CALD1: variants seen among roughly 807,000 people sequenced by gnomAD.
CALD1 encodes the protein caldesmon.
CALD1 carries 33 observed loss-of-function variants against 99.9 expected under a neutral mutation model. That is an observed-to-expected ratio of 0.33 (90% CI 0.25 to 0.44). The LOEUF (loss-of-function observed/expected upper bound fraction) is 0.44, where lower values mean the gene tolerates loss of function less well. Among genes scored for constraint, CALD1 ranks in the 20% least tolerant of loss-of-function variants. The pLI is 1.00. For missense variants in CALD1, 861 were observed against 962.1 expected, an observed-to-expected ratio of 0.89 and a Z score of 1.39; for synonymous variants, 310 against 325.0, an observed-to-expected ratio of 0.95 and a Z score of 0.50.
intron 3 of CALD1, among the ~76,000 whole-genome samples, chr7:134,877,000 C>T (rs968427500): frequency 3.9e-5 from 6 of 152,094 alleles, no homozygotes; most frequent in Non-Finnish European, 7.4e-5. Flanking sequence ...TGTTCTACTC[C>T]GCCTCTCTCA....
At chr7:134,930,022 T>G (rs1238112502) in intron 4 of CALD1, among the ~76,000 whole-genome samples, 1 of 152,126 alleles carries the variant, frequency 6.6e-6, no homozygotes, top group Non-Finnish European at 1.5e-5. Context: ...ATTTTTAAAG[T>G]GGGCATGAAT....
chr7:134,890,380 G>T (rs1309425310), intron 3 of CALD1, among the ~76,000 whole-genome samples: 1 of 152,172 alleles, frequency 6.6e-6, no homozygotes, highest in Non-Finnish European at 1.5e-5. Flanking sequence ...TCTGTGCTTT[G>T]GTGTCCTTGT....
chr7:134,841,269 C>A (rs879359855), intron 1 of CALD1, among the ~76,000 whole-genome samples: 1 of 152,114 alleles, frequency 6.6e-6, no homozygotes, highest in Non-Finnish European at 1.5e-5. Flanking sequence ...TCATATATTT[C>A]TTTTCTTCTA....
chr7:134,740,150 T>C (rs899105249), upstream of CALD1, among the ~76,000 whole-genome samples: 10 of 152,126 alleles, frequency 6.6e-5, no homozygotes, highest in Non-Finnish European at 1.5e-4. Flanking sequence ...AAATGATTAG[T>C]GGACACAATT....
At chr7:134,857,792 C>A (rs1800380488) in intron 2 of CALD1, among the ~76,000 whole-genome samples, 1 of 152,086 alleles carries the variant, frequency 6.6e-6, no homozygotes, top group Non-Finnish European at 1.5e-5. Context: ...ATACAGTAAA[C>A]ACACTTGATG....
chr7:134,784,668 G>T (rs866923089), intron 1 of CALD1, among the ~76,000 whole-genome samples: 23 of 152,160 alleles, frequency 1.5e-4, no homozygotes, highest in African/African-American at 5.3e-4. Flanking sequence ...CTCAAGTAAA[G>T]GGCCAGGATT....
chr7:134,956,991 TA>T (rs1485396536), intron 9 of CALD1, among the ~76,000 whole-genome samples: 3 of 150,962 alleles, frequency 2.0e-5, no homozygotes, highest in African/African-American at 7.4e-5. Flanking sequence ...AAAAAGTTCC[TA>T]GCTTTAAAAA....
chr7:134,924,245 G>T (rs998144411), intron 3 of CALD1, among the ~76,000 whole-genome samples: 1 of 151,974 alleles, frequency 6.6e-6, no homozygotes, highest in East Asian at 1.9e-4. Flanking sequence ...TTCAAATCTG[G>T]GTTTGCATGA....
chr7:134,960,980 G>A, intron 13 of CALD1: 1 of 163,098 alleles, frequency 6.1e-6, no homozygotes, highest in Non-Finnish European at 1.3e-5. Flanking sequence ...CATCATTTTG[G>A]CTACTTCTTT....
At position 134,947,529 on chromosome 7, in the gene CALD1, C is replaced by T. The variant is rs867708621; in HGVS notation, c.1554C>T (p.Ser518=). ...NTFSRPGGRA[S]VDTKEAEGAP... is the part of the protein sequence containing the mutation. ...ACAGCCGCCCTGGAGGGAGGGCCAG[C>T]GTGGACACCAAGGAGGCTGAGGGCG... The change falls in exon 8 of 15, where the codon AGC becomes AGT. Residue 518 remains serine, a synonymous_variant. Transcript: ENST00000361675. The T allele has an allele frequency of 1.3e-6, 2 of 1,568,602 alleles. No homozygotes were observed. Among genetic ancestry groups the T allele is most frequent in the Non-Finnish European group, 8.6e-7 (1 of 1,156,484 alleles).
chr7:134,759,250 C>T (rs1338149870), intron 1 of CALD1, among the ~76,000 whole-genome samples: 2 of 152,068 alleles, frequency 1.3e-5, no homozygotes, highest in Non-Finnish European at 2.9e-5. Context: ...CTGCAGAGTT[C>T]ATGAGAAAAA....
chr7:134,752,276 G>A (rs1046258442), intron 1 of CALD1, among the ~76,000 whole-genome samples: 1 of 152,142 alleles, frequency 6.6e-6, no homozygotes, highest in Non-Finnish European at 1.5e-5. Context: ...GAAGCTTTCG[G>A]CCTGATGCCA....
chr7:134,920,677 A>G lies in CALD1; in HGVS notation c.72-8077A>G, dbSNP rs1448582011. The G allele has an allele frequency of 2.3e-6, 3 of 1,289,348 alleles. No individual in the cohort carries two copies. In the South Asian group the frequency reaches 3.7e-5, roughly 16 times the overall value. 79.9% of individuals were successfully genotyped at this position (1,289,348 alleles called of 1,614,324 possible). On this transcript the variant is annotated intron_variant, in intron 3 of 14. Transcript: ENST00000361675. ...AGTGGACAGACAGTGGAATGCAGAA[A>G]TTTTAGAGCTGATCTTGGGGACCGG...
chr7:134,941,649 A>C lies in CALD1; in HGVS notation c.1532+412A>C, dbSNP rs142363939. Among the ~76,000 whole-genome samples, 186 of 151,096 alleles carry C rather than the reference A, an allele frequency of 1.2e-3. 1 individual carries two copies. Among genetic ancestry groups the C allele is most frequent in the Middle Eastern group, 3.5e-3 (1 of 284 alleles). On this transcript the variant is annotated intron_variant, in intron 7 of 14. Transcript: ENST00000361675. ...ACCATTTTCAAGAATGCATTTTCTA[A>C]AGGTTGTAAATAAATATTGCATAAG...
At position 134,832,039 on chromosome 7, in the gene CALD1, T is replaced by G. The variant is rs572939242; in HGVS notation, c.-129-11845T>G. Among the ~76,000 whole-genome samples, 8 of 152,336 alleles carry G rather than the reference T, an allele frequency of 5.3e-5. No homozygotes were observed. The South Asian group carries it at 1.7e-3, about 32-fold the overall frequency. ...TATAAGCCCGTCTTTTCCCCATGCG[T>G]CTTCCGTAGGGTGGGCATGCGCACA... On this transcript the variant is annotated intron_variant, in intron 1 of 14. Transcript: ENST00000361675.
chr7:134,881,247 C>T (rs751926104), intron 3 of CALD1, among the ~76,000 whole-genome samples: 4 of 152,194 alleles, frequency 2.6e-5, no homozygotes, highest in Non-Finnish European at 5.9e-5. Flanking sequence ...TCCAAGAGCA[C>T]ACAGTCAGTG....
At chr7:134,901,946 G>A (rs1295296669) in intron 3 of CALD1, among the ~76,000 whole-genome samples, 1 of 151,996 alleles carries the variant, frequency 6.6e-6, no homozygotes, top group African/African-American at 2.4e-5. Context: ...ACATCCTGAG[G>A]TACTGGGGGT....
In CALD1 at chr7:134,921,798, AAAAACAAAAC is replaced by A. The variant is rs199982116; in HGVS notation, c.72-6935_72-6926del. Among the ~76,000 whole-genome samples, 142 of 152,278 alleles carry A rather than the reference AAAAACAAAAC, an allele frequency of 9.3e-4. 3 individuals are homozygous for A. The East Asian group carries it at 0.02, about 21-fold the overall frequency. On this transcript the variant is annotated intron_variant, in intron 3 of 14. Transcript: ENST00000361675. ...TGCACTCCAGTGAGATTCTGTCTCAAAAAACAAAACAAAACAAAACAAAACAAAACTGATC... is the reference window on the plus strand; with the variant it reads ...TGCACTCCAGTGAGATTCTGTCTCAAAAAACAAAACAAAACAAAACTGATC...
intron 4 of CALD1, among the ~76,000 whole-genome samples, chr7:134,929,368 A>C (rs1194771963): frequency 6.6e-6 from 1 of 151,342 alleles, no homozygotes; most frequent in African/African-American, 2.4e-5. Context: ...ACCACGCCCA[A>C]TGCGCAGTAT....
Sources: gnomAD v4.1 joint callset for allele counts (sites outside exome capture counted in the v4.1 genomes callset) on GRCh38, gnomAD v4.1.1 for gene constraint, MANE v1.5 for transcripts, NCBI Gene and HGNC (gene_info 2026-07-23, HGNC 2026-07-21) for gene names.